PLD5: variants seen among roughly 807,000 people sequenced by gnomAD.
The protein encoded by PLD5 is inactive phospholipase D5.
In PLD5, 36 loss-of-function variants were observed where a neutral mutation model predicts 61.1. The ratio of observed to expected loss-of-function variants is 0.59; its 90% CI spans 0.45 to 0.78. The LOEUF (loss-of-function observed/expected upper bound fraction) is 0.78. Among genes scored for constraint, PLD5 ranks in the 30% least tolerant of loss-of-function variants. The pLI, the probability that PLD5 is intolerant of heterozygous loss-of-function variation, is 0.00. For missense variants in PLD5, 515 were observed against 644.4 expected, an observed-to-expected ratio of 0.80 and a Z score of 2.17; for synonymous variants, 243 against 242.8, an observed-to-expected ratio of 1.00 and a Z score of -0.01.
At position 242,146,657 on chromosome 1, in the gene PLD5, CAA is replaced by C. The variant is rs1378006966; in HGVS notation, c.736-21994_736-21993del. Among the ~76,000 whole-genome samples, 2 of 151,880 alleles carry C rather than the reference CAA, an allele frequency of 1.3e-5. 1 individual carries two copies. The highest frequency in any genetic ancestry group is 2.9e-5 in the Non-Finnish European group (2 of 67,978). ...GAGTTATTTTTATGACTCAGAAAAACAAAGATTCTATATATTAAAAAGTTCTT... is the reference window on the plus strand; with the variant it reads ...GAGTTATTTTTATGACTCAGAAAAACAGATTCTATATATTAAAAAGTTCTT... On this transcript the variant is annotated intron_variant, in intron 5 of 9. Coordinates refer to ENST00000536534, the MANE Select transcript of PLD5 (RefSeq NM_001372062.1).
At chr1:242,248,352 A>G (rs556811127) in intron 4 of PLD5, among the ~76,000 whole-genome samples, 2 of 152,064 alleles carry the variant, frequency 1.3e-5, no homozygotes, top group African/African-American at 2.4e-5. Context: ...TATAACCCAC[A>G]TCCTATAGCT....
chr1:242,348,152 C>A lies in PLD5; in HGVS notation c.280G>T (p.Glu94Ter), dbSNP rs1660246380. The A allele has an allele frequency of 1.9e-6, 3 of 1,613,780 alleles. No individual in the cohort carries two copies. The highest frequency in any genetic ancestry group is 2.5e-6 in the Non-Finnish European group (3 of 1,179,908). Residue 94 changes from glutamate (E) to a stop codon, truncating the protein, a stop_gained, in exon 2 of 10, where the codon GAG (glutamate) becomes TAG (stop). Transcript: ENST00000536534. LOFTEE classifies it high-confidence loss of function. ...LIFSAVDIMG[E>*]DEDGLSEKNC... ...TTTTCTGAGAGTCCATCCTCATCCT[C>A]TCCCATGATGTCCACGGCTGAAAAG...
intron 2 of PLD5, among the ~76,000 whole-genome samples, chr1:242,312,105 CT>C (rs1359340149): frequency 2.0e-5 from 3 of 151,840 alleles, no homozygotes; most frequent in Admixed American, 6.6e-5. Context: ...CTCATACATT[CT>C]TTTCTTGATT....
At chr1:242,246,214 T>A (rs942270973) in intron 4 of PLD5, among the ~76,000 whole-genome samples, 1 of 151,696 alleles carries the variant, frequency 6.6e-6, no homozygotes, top group African/African-American at 2.4e-5. Context: ...CCAAAAAAAA[T>A]ACTTAGCCAA....
intron 1 of PLD5, among the ~76,000 whole-genome samples, chr1:242,401,993 G>A (rs1663961113): frequency 6.6e-6 from 1 of 152,202 alleles, no homozygotes; most frequent in South Asian, 2.1e-4. Flanking sequence ...GAACATATTT[G>A]CTTTCCACAT....
At chr1:242,298,126 TG>T (rs1163949824) in intron 2 of PLD5, among the ~76,000 whole-genome samples, 2 of 152,122 alleles carry the variant, frequency 1.3e-5, no homozygotes, top group East Asian at 3.9e-4. Context: ...GCTTTTAAAT[TG>T]ATTGTCAAAG....
chr1:242,461,847 C>T (rs945828363), intron 1 of PLD5, among the ~76,000 whole-genome samples: 1 of 152,126 alleles, frequency 6.6e-6, no homozygotes, highest in Non-Finnish European at 1.5e-5. Context: ...ATTAGAGACG[C>T]TAAGCATTTT....
chr1:242,405,930 A>T (rs1350360388), intron 1 of PLD5, among the ~76,000 whole-genome samples: 1 of 151,466 alleles, frequency 6.6e-6, no homozygotes, highest in East Asian at 1.9e-4. Context: ...CTAAAAAAAA[A>T]TCTAGCAATT....
chr1:242,332,091 G>A, intron 2 of PLD5, among the ~76,000 whole-genome samples: 1 of 151,744 alleles, frequency 6.6e-6, no homozygotes, highest in South Asian at 2.1e-4. Context: ...CTGTGTCCAT[G>A]TGTTCTCATT....
rs1011504255 is a variant in PLD5, at chr1:242,392,475, G to A, written c.190-44233C>T. 5.9e-5 allele frequency among the ~76,000 whole-genome samples: 9 copies of A among 152,288 alleles called. No homozygotes were observed. In the South Asian group the frequency reaches 1.5e-3, roughly 25 times the overall value. ...TCAAGTGTGTGACAGCTTCCTGATG[G>A]TGCCGACTGTGGCTTCTCCTGCTGA... On this transcript the variant is annotated intron_variant, in intron 1 of 9. Coordinates refer to ENST00000536534, the MANE Select transcript of PLD5 (RefSeq NM_001372062.1).
intron 1 of PLD5, among the ~76,000 whole-genome samples, chr1:242,488,008 T>G (rs1668020381): frequency 6.6e-6 from 1 of 152,166 alleles, no homozygotes; most frequent in Non-Finnish European, 1.5e-5. Context: ...TGTATGTAGG[T>G]GTGCAGTGAG....
chr1:242,223,782 T>C (rs1670754500), intron 4 of PLD5, among the ~76,000 whole-genome samples: 2 of 152,186 alleles, frequency 1.3e-5, no homozygotes, highest in South Asian at 4.1e-4. Flanking sequence ...TCTATCTAAA[T>C]ATTGATGCTC....
chr1:242,383,735 C>A (rs548706801), intron 1 of PLD5, among the ~76,000 whole-genome samples: 1 of 152,018 alleles, frequency 6.6e-6, no homozygotes, highest in Admixed American at 6.6e-5. Context: ...AATTTGAAGA[C>A]GAGGCTGCAT....
chr1:242,471,008 G>C (rs1356252142), intron 1 of PLD5, among the ~76,000 whole-genome samples: 2 of 152,184 alleles, frequency 1.3e-5, no homozygotes, highest in African/African-American at 4.8e-5. Context: ...CCCCTTCCAG[G>C]CCACAGTGGT....
intron 1 of PLD5, among the ~76,000 whole-genome samples, chr1:242,422,188 C>T (rs1311189860): frequency 2.6e-5 from 4 of 151,640 alleles, no homozygotes; most frequent in Non-Finnish European, 4.4e-5. Context: ...ATATATACTG[C>T]CCCTGACATA....
intron 8 of PLD5, among the ~76,000 whole-genome samples, chr1:242,102,322 T>C (rs1393932348): frequency 6.6e-6 from 1 of 152,250 alleles, no homozygotes. Flanking sequence ...CCATTTGCTC[T>C]AGAAAGTCAA....
rs184690156 is a variant in PLD5 at position 242,420,138 on chromosome 1, C to A, written c.190-71896G>T. On this transcript the variant is annotated intron_variant, in intron 1 of 9. Transcript: ENST00000536534. ...GGAGCACTTACAATGAGCCAGGCAC[C>A]ATTCCAAATGGTTTATGTACATGAT... Among the ~76,000 whole-genome samples the A allele has an allele frequency of 2.6e-5, 4 of 152,240 alleles. No homozygotes were observed. The East Asian group carries it at 7.7e-4, about 29-fold the overall frequency.
intron 1 of PLD5, among the ~76,000 whole-genome samples, chr1:242,463,421 C>T (rs562025899): frequency 4.7e-4 from 71 of 152,174 alleles, no homozygotes; most frequent in Non-Finnish European, 9.0e-4. Context: ...GCATCGCAAG[C>T]GGACTCCTAA....
At position 242,459,690 on chromosome 1, in the gene PLD5, C is replaced by T. The variant is rs184638310; in HGVS notation, c.189+64398G>A. ...ACAATTCCAGGTTGGACTGCCAGAACGAGCCAACAGCGCGTGATGTGCTTC... is the reference window on the plus strand; with the variant it reads ...ACAATTCCAGGTTGGACTGCCAGAATGAGCCAACAGCGCGTGATGTGCTTC... On this transcript the variant is annotated intron_variant, in intron 1 of 9. Coordinates refer to ENST00000536534, the MANE Select transcript of PLD5 (RefSeq NM_001372062.1). Among the ~76,000 whole-genome samples the T allele has an allele frequency of 7.9e-5, 12 of 152,252 alleles. No individual in the cohort carries two copies. The East Asian group carries it at 2.1e-3, about 27-fold the overall frequency.
Sources: allele counts gnomAD v4.1 joint callset (sites outside exome capture counted in the v4.1 genomes callset), GRCh38; gene constraint gnomAD v4.1.1; transcripts MANE v1.5; gene names NCBI Gene and HGNC (gene_info 2026-07-23, HGNC 2026-07-21).